The following SLC39A9 variants were observed in gnomAD, a reference collection of about 807,000 sequenced individuals.
SLC39A9 encodes solute carrier family 39 member 9.
Under a neutral mutation model 28.4 loss-of-function variants are expected in SLC39A9, and 14 were observed. The observed-to-expected ratio is 0.49, with a 90% confidence interval of 0.33 to 0.77. The LOEUF (loss-of-function observed/expected upper bound fraction) is 0.77. SLC39A9 is among the 30% of genes least tolerant of loss of function. SLC39A9 has a pLI of 0.02. For missense variants in SLC39A9, 283 were observed against 381.1 expected (o/e 0.74, Z 2.14); for synonymous variants, 119 against 149.6 (o/e 0.80, Z 1.49).
In SLC39A9 at chr14:69,458,842, C is replaced by T. The variant is rs1057322014; in HGVS notation, c.*249C>T. 19 of 1,227,784 alleles carry T rather than the reference C, an allele frequency of 1.5e-5. No homozygotes were observed. The South Asian group carries it at 4.1e-4, about 27-fold the overall frequency. 76.1% of individuals were successfully genotyped at this position (1,227,784 alleles called of 1,614,324 possible). A position where few individuals can be genotyped will look rare whatever the true frequency, so the allele number is the denominator to read the frequency against. ...CTTTTAAAAGGCCCTTGACATTTTG[C>T]GTTTTAATATTTCTCTTAACCCTAT... On this transcript the variant is annotated 3_prime_UTR_variant, in exon 7 of 7. Transcript: ENST00000336643.
At chr14:69,445,062 A>G (rs1042686789) in intron 3 of SLC39A9, among the ~76,000 whole-genome samples, 6 of 151,946 alleles carry the variant, frequency 3.9e-5, no homozygotes, top group Admixed American at 3.9e-4. Context: ...GAAAAAAAAA[A>G]GCAAAAAATG....
chr14:69,427,140 C>A (rs541977740), intron 2 of SLC39A9, among the ~76,000 whole-genome samples: 18 of 151,716 alleles, frequency 1.2e-4, no homozygotes, highest in Non-Finnish European at 1.9e-4. Flanking sequence ...GTAGCTGGGA[C>A]TACAGGCTCA....
intron 1 of SLC39A9, among the ~76,000 whole-genome samples, chr14:69,408,667 A>G (rs1409547721): frequency 6.6e-6 from 1 of 152,194 alleles, no homozygotes; most frequent in African/African-American, 2.4e-5. Context: ...CAAATATTGT[A>G]TCAGTGCGTG....
chr14:69,446,963 G>A, intron 3 of SLC39A9, among the ~76,000 whole-genome samples: 1 of 148,076 alleles, frequency 6.8e-6, no homozygotes, highest in Non-Finnish European at 1.5e-5. Flanking sequence ...GAGAGAGAGA[G>A]AGAGCGAGAG....
intron 1 of SLC39A9, among the ~76,000 whole-genome samples, chr14:69,410,133 A>G (rs1883187093): frequency 6.6e-6 from 1 of 152,242 alleles, no homozygotes; most frequent in Non-Finnish European, 1.5e-5. Context: ...ATGTTTAGAA[A>G]GGAATTTTAT....
chr14:69,433,193 T>C (rs1884579780), intron 2 of SLC39A9, among the ~76,000 whole-genome samples: 1 of 152,198 alleles, frequency 6.6e-6, no homozygotes, highest in South Asian at 2.1e-4. Flanking sequence ...TCTTGAATGG[T>C]TGTTGAATTT....
At chr14:69,451,897 G>T (rs900568156) in intron 3 of SLC39A9, among the ~76,000 whole-genome samples, 1 of 152,144 alleles carries the variant, frequency 6.6e-6, no homozygotes, top group African/African-American at 2.4e-5. Context: ...TAAAAATTTT[G>T]TAGAGATAGG....
chr14:69,441,081 C>A (rs1161887351), intron 2 of SLC39A9, among the ~76,000 whole-genome samples: 1 of 152,138 alleles, frequency 6.6e-6, no homozygotes, highest in Non-Finnish European at 1.5e-5. Context: ...ATTTCAAGAC[C>A]AGCCTAGGCA....
At chr14:69,421,581 T>C (rs963605908) in intron 1 of SLC39A9, among the ~76,000 whole-genome samples, 1 of 152,184 alleles carries the variant, frequency 6.6e-6, no homozygotes, top group Non-Finnish European at 1.5e-5. Context: ...TCTGCTGCCT[T>C]TTATTCAGCT....
chr14:69,421,421 A>C (rs1465192634), intron 1 of SLC39A9, among the ~76,000 whole-genome samples: 5 of 152,206 alleles, frequency 3.3e-5, no homozygotes, highest in Non-Finnish European at 7.3e-5. Flanking sequence ...GTCGGCACCT[A>C]CCGGGAGGTA....
At chr14:69,445,879 G>T (rs1885270529) in intron 3 of SLC39A9, among the ~76,000 whole-genome samples, 1 of 152,136 alleles carries the variant, frequency 6.6e-6, no homozygotes, top group South Asian at 2.1e-4. Context: ...TGAAACAGAT[G>T]AATTGTATTT....
intron 6 of SLC39A9, among the ~76,000 whole-genome samples, chr14:69,456,709 C>T: frequency 6.6e-6 from 1 of 152,194 alleles, no homozygotes; most frequent in Non-Finnish European, 1.5e-5. Context: ...AGCAAACTGA[C>T]TCAGGGCTAG....
intron 2 of SLC39A9, among the ~76,000 whole-genome samples, chr14:69,431,847 A>G (rs1018422275): frequency 2.6e-5 from 4 of 152,168 alleles, no homozygotes; most frequent in African/African-American, 9.7e-5. Flanking sequence ...TTTACTTAGG[A>G]TAATAGCATC....
chr14:69,410,235 T>TTA (rs1433019648), intron 1 of SLC39A9, among the ~76,000 whole-genome samples: 1 of 152,226 alleles, frequency 6.6e-6, no homozygotes, highest in Admixed American at 6.5e-5. Context: ...TTAGAAGGTG[T>TTA]TAAGTAACCT....
At chr14:69,446,945 TATAGAGAG>T (rs1311630875) in intron 3 of SLC39A9, among the ~76,000 whole-genome samples, 3 of 131,782 alleles carry the variant, frequency 2.3e-5, no homozygotes, top group African/African-American at 8.8e-5. Flanking sequence ...TATATATATA[TATAGAGAG>T]AGAGAGAGAG....
intron 3 of SLC39A9, among the ~76,000 whole-genome samples, chr14:69,450,345 C>T (rs1240183873): frequency 1.3e-5 from 2 of 152,090 alleles, no homozygotes; most frequent in African/African-American, 4.8e-5. Flanking sequence ...CACTTCACTT[C>T]TATGTGTTTT....
chr14:69,455,618 C>A, intron 5 of SLC39A9, 114 bp from the exon 6 acceptor site: 1 of 1,424,914 alleles, frequency 7.0e-7, no homozygotes, highest in Non-Finnish European at 9.6e-7. Flanking sequence ...CTGTGCCTGG[C>A]CTTTTGTGAG....
intron 1 of SLC39A9, among the ~76,000 whole-genome samples, chr14:69,418,026 G>C (rs1252867430): frequency 6.6e-6 from 1 of 152,122 alleles, no homozygotes; most frequent in African/African-American, 2.4e-5. Context: ...CGGTAAGAGA[G>C]GGCATCCCTG....
At chr14:69,434,961 A>G (rs1275973293) in intron 2 of SLC39A9, among the ~76,000 whole-genome samples, 2 of 152,216 alleles carry the variant, frequency 1.3e-5, no homozygotes, top group Non-Finnish European at 2.9e-5. Flanking sequence ...TATACTTAGT[A>G]TGATTTGAAA....
Sources: allele counts gnomAD v4.1 joint callset (sites outside exome capture counted in the v4.1 genomes callset), GRCh38; gene constraint gnomAD v4.1.1; transcripts MANE v1.5; gene names NCBI Gene and HGNC (gene_info 2026-07-23, HGNC 2026-07-21).